The following CSMD1 variants were observed in gnomAD, a reference collection of about 807,000 sequenced individuals.
The protein encoded by CSMD1 is CUB and sushi domain-containing protein 1.
In CSMD1, 213 loss-of-function variants were observed where a neutral mutation model predicts 417.5. That is an observed-to-expected ratio of 0.51 (90% CI 0.46 to 0.57). The LOEUF (loss-of-function observed/expected upper bound fraction) is 0.57. CSMD1 is among the 20% of genes least tolerant of loss of function. The probability of loss-of-function intolerance (pLI) is 0.00; values close to 1 mark genes in which losing one functional copy is unlikely to be tolerated. For synonymous variants in CSMD1, 2,862 were observed against 1,736.8 expected, an observed-to-expected ratio of 1.65 and a Z score of -16.11; for missense variants, 6,923 against 4,529.7, an observed-to-expected ratio of 1.53 and a Z score of -15.17.
At chr8:3,032,749 C>A (rs1418684155) in intron 50 of CSMD1, among the ~76,000 whole-genome samples, 1 of 152,040 alleles carries the variant, frequency 6.6e-6, no homozygotes, top group African/African-American at 2.4e-5. Flanking sequence ...CCTATGTTTT[C>A]TCCTCTTCTG....
At chr8:4,110,191 T>A (rs1310750867) in intron 3 of CSMD1, among the ~76,000 whole-genome samples, 5 of 152,096 alleles carry the variant, frequency 3.3e-5, no homozygotes, top group African/African-American at 9.7e-5. Context: ...ATCTAAAGAA[T>A]AAAATTTAAA....
chr8:4,536,610 G>T (rs1797114883), intron 2 of CSMD1, among the ~76,000 whole-genome samples: 1 of 152,188 alleles, frequency 6.6e-6, no homozygotes, highest in Non-Finnish European at 1.5e-5. Flanking sequence ...GGCTGCACAA[G>T]TGGATACTGA....
intron 5 of CSMD1, among the ~76,000 whole-genome samples, chr8:3,794,395 T>C (rs1050077764): frequency 1.3e-5 from 2 of 152,194 alleles, no homozygotes; most frequent in Non-Finnish European, 2.9e-5. Context: ...TCCATGTAGT[T>C]TTCTATCACT....
At chr8:4,310,044 G>A (rs910984187) in intron 3 of CSMD1, among the ~76,000 whole-genome samples, 1 of 152,156 alleles carries the variant, frequency 6.6e-6, no homozygotes, top group Non-Finnish European at 1.5e-5. Context: ...AAGACAGAGG[G>A]TAATGGAAAG....
At chr8:3,671,953 C>A (rs897739653) in intron 7 of CSMD1, among the ~76,000 whole-genome samples, 2 of 152,048 alleles carry the variant, frequency 1.3e-5, no homozygotes, top group African/African-American at 4.8e-5. Flanking sequence ...AGTTTTCGAC[C>A]ACACATTTTT....
chr8:3,772,642 C>T (rs1584975229), intron 5 of CSMD1, among the ~76,000 whole-genome samples: 4 of 72,544 alleles, frequency 5.5e-5, no homozygotes, highest in South Asian at 8.6e-4. Flanking sequence ...TATTTATATA[C>T]ATATATACAT....
intron 2 of CSMD1, among the ~76,000 whole-genome samples, chr8:4,545,158 A>G (rs535484666): frequency 1.4e-4 from 22 of 152,284 alleles, no homozygotes; most frequent in Non-Finnish European, 2.8e-4. Flanking sequence ...GACCTTTCTT[A>G]AAAATCATAT....
At chr8:3,617,669 G>T (rs530625034) in intron 7 of CSMD1, among the ~76,000 whole-genome samples, 6 of 152,120 alleles carry the variant, frequency 3.9e-5, no homozygotes, top group Non-Finnish European at 7.4e-5. Context: ...ATAATCCAAG[G>T]ATGGAGACAA....
chr8:3,691,404 C>G (rs1417625703), intron 7 of CSMD1, among the ~76,000 whole-genome samples: 2 of 151,526 alleles, frequency 1.3e-5, no homozygotes, highest in Non-Finnish European at 2.9e-5. Flanking sequence ...AAAACAAAAA[C>G]AAAACAAACA....
intron 5 of CSMD1, among the ~76,000 whole-genome samples, chr8:3,845,454 G>A (rs1360207799): frequency 6.6e-6 from 1 of 152,088 alleles, no homozygotes; most frequent in Non-Finnish European, 1.5e-5. Context: ...CCACAGAAAA[G>A]GTACAGCTGA....
At chr8:3,037,062 G>T (rs535806124) in intron 50 of CSMD1, among the ~76,000 whole-genome samples, 1 of 152,242 alleles carries the variant, frequency 6.6e-6, no homozygotes, top group Admixed American at 6.5e-5. Context: ...TTAAAAGTGA[G>T]AACATAACGA....
chr8:3,397,409 A>T (rs1363991048), intron 16 of CSMD1, among the ~76,000 whole-genome samples: 4 of 152,196 alleles, frequency 2.6e-5, no homozygotes. Context: ...TATACATTAG[A>T]TCATGGATAC....
intron 20 of CSMD1, among the ~76,000 whole-genome samples, chr8:3,362,717 G>C (rs141512806): frequency 6.6e-6 from 1 of 152,190 alleles, no homozygotes; most frequent in Non-Finnish European, 1.5e-5. Context: ...TTTGCTTCCA[G>C]TGGTTTTCAC....
intron 1 of CSMD1, among the ~76,000 whole-genome samples, chr8:4,677,483 T>C (rs1484796060): frequency 1.3e-5 from 2 of 152,164 alleles, no homozygotes; most frequent in Non-Finnish European, 2.9e-5. Context: ...TATTCTCTAA[T>C]CATTTTTATA....
At chr8:4,497,629 G>C (rs1175549978) in intron 2 of CSMD1, among the ~76,000 whole-genome samples, 1 of 152,100 alleles carries the variant, frequency 6.6e-6, no homozygotes, top group Non-Finnish European at 1.5e-5. Flanking sequence ...AGTAAAGACA[G>C]GTAAGAATGG....
intron 1 of CSMD1, among the ~76,000 whole-genome samples, chr8:4,664,292 G>C (rs1397273799): frequency 6.6e-6 from 1 of 152,184 alleles, no homozygotes; most frequent in Non-Finnish European, 1.5e-5. Flanking sequence ...GGGCACGGTG[G>C]CTCACGCCTA....
intron 6 of CSMD1, among the ~76,000 whole-genome samples, chr8:3,709,113 T>G (rs1801345420): frequency 6.6e-6 from 1 of 151,754 alleles, no homozygotes; most frequent in African/African-American, 2.4e-5. Flanking sequence ...ATATGTTTCT[T>G]GATGTACTAC....
At chr8:4,194,741 T>G (rs547993933) in intron 3 of CSMD1, among the ~76,000 whole-genome samples, 1 of 151,782 alleles carries the variant, frequency 6.6e-6, no homozygotes, top group Non-Finnish European at 1.5e-5. Context: ...GATTTCATTA[T>G]TTAAATAAAC....
At chr8:4,978,100 G>C (rs193180588) in intron 1 of CSMD1, among the ~76,000 whole-genome samples, 187 of 152,282 alleles carry the variant, frequency 1.2e-3, no homozygotes, top group African/African-American at 4.4e-3. Context: ...ATGGCCACGT[G>C]AGTTCTGGGT....
Sources: allele counts gnomAD v4.1 joint callset (sites outside exome capture counted in the v4.1 genomes callset), GRCh38; gene constraint gnomAD v4.1.1; transcripts MANE v1.5; gene names NCBI Gene and HGNC (gene_info 2026-07-23, HGNC 2026-07-21).